The following ZBTB7C variants were observed in gnomAD, a reference collection of about 807,000 sequenced individuals.
ZBTB7C encodes zinc finger and BTB domain containing 7C, also known as zinc finger and BTB domain-containing protein 7C.
In ZBTB7C, 8 loss-of-function variants were observed where a neutral mutation model predicts 25.7. That is an observed-to-expected ratio of 0.31 (90% CI 0.18 to 0.56). ZBTB7C has a LOEUF of 0.56. Among genes scored for constraint, ZBTB7C ranks in the 20% least tolerant of loss-of-function variants. The probability of loss-of-function intolerance (pLI) is 0.91; values close to 1 mark genes in which losing one functional copy is unlikely to be tolerated. For missense variants in ZBTB7C, 824 were observed against 855.2 expected (o/e 0.96, Z 0.46); for synonymous variants, 394 against 369.0 (o/e 1.07, Z -0.78).
chr18:48,039,796 G>T, intron 4 of ZBTB7C, 104 bp downstream of exon 4: 1 of 1,215,870 alleles, frequency 8.2e-7, no homozygotes, highest in Non-Finnish European at 1.2e-6. Context: ...ATGTGTGTGG[G>T]ATCTATCTGG....
intron 2 of ZBTB7C, among the ~76,000 whole-genome samples, chr18:48,211,806 C>G (rs2042708578): frequency 6.6e-6 from 1 of 152,150 alleles, no homozygotes; most frequent in Non-Finnish European, 1.5e-5. Flanking sequence ...TTAACATAAT[C>G]TTACCATATG....
At chr18:48,408,913 C>A (rs1449290288) in intron 1 of ZBTB7C, among the ~76,000 whole-genome samples, 1 of 151,150 alleles carries the variant, frequency 6.6e-6, no homozygotes, top group Non-Finnish European at 1.5e-5. Flanking sequence ...GCTGGCTCTC[C>A]CCTCCCTCCT....
intron 3 of ZBTB7C, among the ~76,000 whole-genome samples, chr18:48,157,718 T>C (rs1310627527): frequency 6.6e-6 from 1 of 152,216 alleles, no homozygotes; most frequent in Non-Finnish European, 1.5e-5. Flanking sequence ...TTTCCTCATC[T>C]GTAAAAGCTG....
chr18:48,255,409 G>T (rs2043992080), intron 2 of ZBTB7C, among the ~76,000 whole-genome samples: 1 of 152,088 alleles, frequency 6.6e-6, no homozygotes, highest in Non-Finnish European at 1.5e-5. Context: ...TTTCTAAGAG[G>T]CCATTGGTTT....
intron 1 of ZBTB7C, among the ~76,000 whole-genome samples, chr18:48,368,139 T>C (rs560471366): frequency 2.2e-4 from 34 of 151,246 alleles, no homozygotes; most frequent in Non-Finnish European, 4.0e-4. Context: ...ATGACAGACA[T>C]GTTAGAATTA....
intron 3 of ZBTB7C, among the ~76,000 whole-genome samples, chr18:48,177,441 G>A (rs2041719113): frequency 2.6e-5 from 4 of 152,320 alleles, no homozygotes; most frequent in South Asian, 2.1e-4. Context: ...TGGCATTTCA[G>A]TGTGGATTCA....
chr18:48,282,924 T>C (rs1289415978), intron 2 of ZBTB7C, among the ~76,000 whole-genome samples: 1 of 152,236 alleles, frequency 6.6e-6, no homozygotes, highest in African/African-American at 2.4e-5. Context: ...ATGATTTAGA[T>C]GCTAGGCTCA....
chr18:48,389,308 C>A (rs1048053998), intron 1 of ZBTB7C, among the ~76,000 whole-genome samples: 11 of 126,674 alleles, frequency 8.7e-5, no homozygotes, highest in African/African-American at 3.3e-4. Context: ...AGGGTCTATA[C>A]CACCCTGTAG....
intron 1 of ZBTB7C, among the ~76,000 whole-genome samples, chr18:48,340,453 T>C (rs1417826233): frequency 6.6e-6 from 1 of 152,204 alleles, no homozygotes; most frequent in African/African-American, 2.4e-5. Flanking sequence ...ATCATCGCTC[T>C]TTGTCCCAGG....
intron 4 of ZBTB7C, among the ~76,000 whole-genome samples, chr18:48,034,615 C>A (rs2035895437): frequency 6.6e-6 from 1 of 152,164 alleles, no homozygotes; most frequent in Non-Finnish European, 1.5e-5. Flanking sequence ...CTCTGCACAA[C>A]ACACAACACT....
At chr18:48,107,338 A>G (rs1322529541) in intron 3 of ZBTB7C, among the ~76,000 whole-genome samples, 2 of 150,854 alleles carry the variant, frequency 1.3e-5, no homozygotes, top group East Asian at 2.0e-4. Context: ...GCAATGGGAA[A>G]AGGGCTGAAA....
intron 3 of ZBTB7C, among the ~76,000 whole-genome samples, chr18:48,095,826 G>A (rs2038605107): frequency 6.6e-6 from 1 of 152,182 alleles, no homozygotes; most frequent in Non-Finnish European, 1.5e-5. Flanking sequence ...GGGACAGATG[G>A]CCGTCTCCTA....
intron 2 of ZBTB7C, among the ~76,000 whole-genome samples, chr18:48,282,857 CAAT>C (rs1431910773): frequency 6.6e-5 from 10 of 152,268 alleles, no homozygotes; most frequent in Middle Eastern, 6.8e-3. Flanking sequence ...AGGAATGTGA[CAAT>C]GACTGAAATG....
intron 2 of ZBTB7C, among the ~76,000 whole-genome samples, chr18:48,194,070 G>C (rs1012641930): frequency 6.6e-6 from 1 of 152,236 alleles, no homozygotes; most frequent in Non-Finnish European, 1.5e-5. Flanking sequence ...CCCTGAGAAA[G>C]AGGGAGGGCT....
chr18:48,207,878 G>T (rs2042615950), intron 2 of ZBTB7C, among the ~76,000 whole-genome samples: 1 of 152,230 alleles, frequency 6.6e-6, no homozygotes, highest in Non-Finnish European at 1.5e-5. Context: ...CTTTGAGGGA[G>T]TTCCGACTGG....
At chr18:48,239,367 A>G (rs1405938194) in intron 2 of ZBTB7C, among the ~76,000 whole-genome samples, 3 of 152,028 alleles carry the variant, frequency 2.0e-5, no homozygotes, top group Admixed American at 6.5e-5. Flanking sequence ...TGAAAGTGCT[A>G]CCTCCTGGCT....
At chr18:48,298,267 G>A (rs1260075055) in intron 2 of ZBTB7C, among the ~76,000 whole-genome samples, 11 of 142,930 alleles carry the variant, frequency 7.7e-5, no homozygotes, top group African/African-American at 2.9e-4. Context: ...GCAATGGAGC[G>A]AGACTCTGTC....
intron 1 of ZBTB7C, among the ~76,000 whole-genome samples, chr18:48,405,466 C>A (rs2048258634): frequency 6.6e-6 from 1 of 152,210 alleles, no homozygotes; most frequent in Non-Finnish European, 1.5e-5. Context: ...TTAATGAGTT[C>A]TTGAGTTCTG....
At chr18:48,405,727 G>A (rs553306641) in intron 1 of ZBTB7C, among the ~76,000 whole-genome samples, 20 of 150,246 alleles carry the variant, frequency 1.3e-4, no homozygotes, top group Non-Finnish European at 2.2e-4. Context: ...GCTGCACACA[G>A]GCCGGGGTTC....
Sources: allele counts gnomAD v4.1 joint callset (sites outside exome capture counted in the v4.1 genomes callset), GRCh38; gene constraint gnomAD v4.1.1; transcripts MANE v1.5; gene names NCBI Gene and HGNC (gene_info 2026-07-23, HGNC 2026-07-21).